SPOCK3: variants seen among roughly 807,000 people sequenced by gnomAD.
The protein encoded by SPOCK3 is testican-3.
Under a neutral mutation model 56.6 loss-of-function variants are expected in SPOCK3, and 30 were observed. That is an observed-to-expected ratio of 0.53 (90% CI 0.40 to 0.72). The LOEUF (loss-of-function observed/expected upper bound fraction) is 0.72. Among genes scored for constraint, SPOCK3 ranks in the 30% least tolerant of loss-of-function variants. The pLI, the probability that SPOCK3 is intolerant of heterozygous loss-of-function variation, is 0.00. For missense variants in SPOCK3, 527 were observed against 530.0 expected, an observed-to-expected ratio of 0.99 and a Z score of 0.06; for synonymous variants, 196 against 183.3, an observed-to-expected ratio of 1.07 and a Z score of -0.56.
In SPOCK3 at chr4:166,812,283, A is replaced by G. The variant is rs139203049; in HGVS notation, c.590-19994T>C. 7.7e-3 allele frequency among the ~76,000 whole-genome samples: 1,169 copies of G among 152,028 alleles called. 13 individuals carry two copies. The highest frequency in any genetic ancestry group is 0.027 in the African/African-American group (1,110 of 41,538). On this transcript the variant is annotated intron_variant, in intron 6 of 10. Transcript: ENST00000357545. ...CCAATATATGAGATTACCATTTAAT[A>G]TTTGACTTACTTTCAGCTAGGTCTT...
At chr4:166,798,541 A>G (rs1213209463) in intron 6 of SPOCK3, among the ~76,000 whole-genome samples, 1 of 152,234 alleles carries the variant, frequency 6.6e-6, no homozygotes, top group Non-Finnish European at 1.5e-5. Flanking sequence ...AGAAGCTGTT[A>G]GAGAATCTGC....
intron 4 of SPOCK3, among the ~76,000 whole-genome samples, chr4:166,982,354 A>G (rs1746676675): frequency 6.6e-6 from 1 of 152,246 alleles, no homozygotes; most frequent in African/African-American, 2.4e-5. Flanking sequence ...TAGAAAAATC[A>G]GAACACATAT....
intron 5 of SPOCK3, among the ~76,000 whole-genome samples, chr4:166,900,064 G>A (rs1390180091): frequency 6.6e-6 from 1 of 152,048 alleles, no homozygotes. Flanking sequence ...CCTACCTGTG[G>A]GACTCCACAA....
At chr4:167,049,064 A>C (rs1753964346) in intron 3 of SPOCK3, among the ~76,000 whole-genome samples, 2 of 152,024 alleles carry the variant, frequency 1.3e-5, no homozygotes, top group African/African-American at 4.8e-5. Flanking sequence ...AGATAGAAGC[A>C]CAGCATATTC....
intron 4 of SPOCK3, among the ~76,000 whole-genome samples, chr4:166,952,981 C>G (rs111761977): frequency 0.75 from 108,907 of 146,166 alleles, 40,670 homozygotes; most frequent in East Asian, 0.9. Flanking sequence ...CATAAAAACC[C>G]TAGAAGAAAA....
At position 166,890,482 on chromosome 4, in the gene SPOCK3, A is replaced by G. The variant is rs10011711; in HGVS notation, c.475-1238T>C. 6.6e-4 allele frequency among the ~76,000 whole-genome samples: 101 copies of G among 152,080 alleles called. 1 individual carries two copies. The highest frequency in any genetic ancestry group is 2.4e-3 in the African/African-American group (99 of 41,544). ...GCTAGTAAAAGCTGAATACTCTTAA[A>G]CAATCAAAAATACTATGACACATGA... On this transcript the variant is annotated intron_variant, in intron 5 of 10. Coordinates refer to ENST00000357545, the MANE Select transcript of SPOCK3 (RefSeq NM_001040159.2).
chr4:167,027,564 T>C (rs1751811677), intron 3 of SPOCK3, among the ~76,000 whole-genome samples: 1 of 152,176 alleles, frequency 6.6e-6, no homozygotes, highest in East Asian at 1.9e-4. Context: ...CAGTCAAAAA[T>C]CCATGTATAA....
At chr4:167,103,907 T>C (rs1759869534) in intron 2 of SPOCK3, among the ~76,000 whole-genome samples, 2 of 152,048 alleles carry the variant, frequency 1.3e-5, no homozygotes, top group African/African-American at 4.8e-5. Context: ...CCCATTTGAT[T>C]GGGAGAAAAT....
At position 167,123,055 on chromosome 4, in the gene SPOCK3, G is replaced by T. The variant is rs1378858655; in HGVS notation, c.190-60518C>A. ...CAGTAACACTAGTGTTGTGAAAGGGGAAAAAAAGGTAGAACAAGCAGAGGA... is the reference window on the plus strand; with the variant it reads ...CAGTAACACTAGTGTTGTGAAAGGGTAAAAAAAGGTAGAACAAGCAGAGGA... On this transcript the variant is annotated intron_variant, in intron 2 of 10. Coordinates refer to ENST00000357545, the MANE Select transcript of SPOCK3 (RefSeq NM_001040159.2). 2.6e-5 allele frequency among the ~76,000 whole-genome samples: 4 copies of T among 151,398 alleles called. No individual in the cohort carries two copies. In the East Asian group the frequency reaches 7.8e-4, roughly 30 times the overall value.
At chr4:167,010,272 G>A (rs1388557159) in intron 3 of SPOCK3, among the ~76,000 whole-genome samples, 1 of 152,048 alleles carries the variant, frequency 6.6e-6, no homozygotes, top group Non-Finnish European at 1.5e-5. Flanking sequence ...TGTTATCCCA[G>A]CACTTTGGGA....
chr4:166,972,801 G>T (rs1224448234), intron 4 of SPOCK3, among the ~76,000 whole-genome samples: 1 of 151,546 alleles, frequency 6.6e-6, no homozygotes, highest in Non-Finnish European at 1.5e-5. Context: ...ATAACAATAA[G>T]TAAATTACTA....
chr4:166,991,345 A>ATTTG (rs1416684762), intron 4 of SPOCK3, among the ~76,000 whole-genome samples: 1 of 140,088 alleles, frequency 7.1e-6, no homozygotes, highest in East Asian at 2.0e-4. Flanking sequence ...TTGTTTTTAT[A>ATTTG]TTTATTTATT....
intron 6 of SPOCK3, among the ~76,000 whole-genome samples, chr4:166,865,510 T>C (rs1007616885): frequency 2.6e-5 from 4 of 152,160 alleles, no homozygotes; most frequent in Non-Finnish European, 4.4e-5. Flanking sequence ...GCAGATGACA[T>C]GATTGTATAT....
chr4:167,077,665 A>G (rs569359629), intron 2 of SPOCK3, among the ~76,000 whole-genome samples: 2 of 152,080 alleles, frequency 1.3e-5, no homozygotes, highest in Non-Finnish European at 2.9e-5. Flanking sequence ...CAAATAATTC[A>G]TTTTATCGAT....
intron 2 of SPOCK3, among the ~76,000 whole-genome samples, chr4:167,063,983 A>G (rs1490471827): frequency 6.6e-6 from 1 of 151,876 alleles, no homozygotes; most frequent in Non-Finnish European, 1.5e-5. Flanking sequence ...TGCAATTATC[A>G]GTTTTATATA....
At chr4:167,026,460 C>T (rs1451671786) in intron 3 of SPOCK3, among the ~76,000 whole-genome samples, 1 of 152,066 alleles carries the variant, frequency 6.6e-6, no homozygotes, top group Non-Finnish European at 1.5e-5. Context: ...ATTGGAAGTT[C>T]TCTCTGAGAC....
chr4:167,003,925 C>A (rs375641604), intron 3 of SPOCK3, among the ~76,000 whole-genome samples: 29 of 152,080 alleles, frequency 1.9e-4, no homozygotes, highest in Admixed American at 6.6e-4. Context: ...GTTTTTTAGT[C>A]CAGAATTTTT....
intron 4 of SPOCK3, among the ~76,000 whole-genome samples, chr4:166,991,783 G>T (rs1561093250): frequency 6.6e-6 from 1 of 152,090 alleles, no homozygotes; most frequent in Non-Finnish European, 1.5e-5. Flanking sequence ...TCAGCATATT[G>T]TTTACAGTAG....
chr4:166,772,265 T>C (rs1287502209), intron 7 of SPOCK3, among the ~76,000 whole-genome samples: 2 of 152,096 alleles, frequency 1.3e-5, no homozygotes, highest in African/African-American at 4.8e-5. Context: ...AAAAAGTACA[T>C]AAAATATATG....
Sources: allele counts gnomAD v4.1 joint callset (sites outside exome capture counted in the v4.1 genomes callset), GRCh38; gene constraint gnomAD v4.1.1; transcripts MANE v1.5; gene names NCBI Gene and HGNC (gene_info 2026-07-23, HGNC 2026-07-21).